The following IAPP variants were observed in gnomAD, a reference collection of about 807,000 sequenced individuals.
The protein encoded by IAPP is Islet amyloid polypeptide (diabetes-associated peptide; amylin).
A neutral mutation model predicts 2.9 loss-of-function variants in IAPP; 4 were observed. The ratio of observed to expected loss-of-function variants is 1.39; its 90% CI spans 0.69 to 3.19. The LOEUF (loss-of-function observed/expected upper bound fraction) is 3.19. IAPP is among the 30% of genes most tolerant of loss of function. The probability of loss-of-function intolerance (pLI) is 0.01; values close to 1 mark genes in which losing one functional copy is unlikely to be tolerated. For synonymous variants in IAPP, 40 were observed against 42.1 expected (o/e 0.95, Z 0.19); for missense variants, 114 against 105.3 (o/e 1.08, Z -0.36).
chr12:21,355,757 C>T (rs940300980), intron 1 of IAPP, among the ~76,000 whole-genome samples: 1 of 151,904 alleles, frequency 6.6e-6, no homozygotes, highest in Non-Finnish European at 1.5e-5. Context: ...TTCTCAGAAA[C>T]AAAATACAGA....
intron 2 of IAPP, among the ~76,000 whole-genome samples, chr12:21,376,572 G>T (rs558162639): frequency 6.6e-6 from 1 of 152,002 alleles, no homozygotes; most frequent in Admixed American, 6.6e-5. Flanking sequence ...TCAAACATTT[G>T]TCAGCATACA....
chr12:21,357,452 C>T (rs893226135), intron 1 of IAPP, among the ~76,000 whole-genome samples: 1 of 152,192 alleles, frequency 6.6e-6, no homozygotes, highest in Non-Finnish European at 1.5e-5. Context: ...TAATCTTAGA[C>T]TTCTTGCCTC....
intron 1 of IAPP, among the ~76,000 whole-genome samples, chr12:21,358,775 C>T (rs1187499664): frequency 6.6e-6 from 1 of 151,948 alleles, no homozygotes; most frequent in East Asian, 1.9e-4. Context: ...TATAAAGATG[C>T]AAACCATTAA....
intron 1 of IAPP, among the ~76,000 whole-genome samples, chr12:21,361,855 A>T (rs1938921266): frequency 2.0e-5 from 3 of 152,176 alleles, no homozygotes; most frequent in Non-Finnish European, 4.4e-5. Context: ...AAAAAGAGTA[A>T]AAAGAAATGA....
At chr12:21,363,383 C>T (rs1939092821) in intron 1 of IAPP, among the ~76,000 whole-genome samples, 2 of 152,158 alleles carry the variant, frequency 1.3e-5, no homozygotes, top group South Asian at 4.1e-4. Context: ...ATCTCTGGGA[C>T]ACATTTAAAG....
At chr12:21,358,773 T>C (rs1222963714) in intron 1 of IAPP, among the ~76,000 whole-genome samples, 8 of 152,060 alleles carry the variant, frequency 5.3e-5, no homozygotes, top group Non-Finnish European at 1.5e-5. Flanking sequence ...AATATAAAGA[T>C]GCAAACCATT....
Position 21,378,587 on chromosome 12 carries a change from A to G in IAPP, c.*161A>G, listed in dbSNP as rs1261152977. On this transcript the variant is annotated 3_prime_UTR_variant, in exon 3 of 3. Transcript: ENST00000240652. Reference sequence around the variant, plus strand: ...AAAGATTGTTTTATATGTAGTACTAACTAAGGTCCCATAATAAAAAGATAG... The same window carrying G: ...AAAGATTGTTTTATATGTAGTACTAGCTAAGGTCCCATAATAAAAAGATAG... 12 of 576,566 alleles carry G rather than the reference A, an allele frequency of 2.1e-5. No individual in the cohort carries two copies. Among genetic ancestry groups the G allele is most frequent in the Non-Finnish European group, 3.7e-5 (12 of 326,386 alleles). The allele number at this position is 576,566 out of a possible 1,614,324, so 35.7% of individuals were successfully genotyped here.
chr12:21,358,570 TATC>T (rs1285664471), intron 1 of IAPP, among the ~76,000 whole-genome samples: 1 of 152,188 alleles, frequency 6.6e-6, no homozygotes, highest in Non-Finnish European at 1.5e-5. Context: ...TGTATAGTTC[TATC>T]ATCATATATA....
chr12:21,360,967 T>A (rs556177603), intron 1 of IAPP, among the ~76,000 whole-genome samples: 1 of 152,294 alleles, frequency 6.6e-6, no homozygotes, highest in Admixed American at 6.5e-5. Flanking sequence ...GGGCAGGGCA[T>A]AGCTGAATAA....
At chr12:21,359,923 G>A (rs550679592) in intron 1 of IAPP, among the ~76,000 whole-genome samples, 5 of 152,140 alleles carry the variant, frequency 3.3e-5, no homozygotes, top group Non-Finnish European at 5.9e-5. Flanking sequence ...TAAACATTTT[G>A]TAATATATTC....
At chr12:21,355,935 A>G (rs1938329124) in intron 1 of IAPP, among the ~76,000 whole-genome samples, 1 of 152,178 alleles carries the variant, frequency 6.6e-6, no homozygotes, top group Non-Finnish European at 1.5e-5. Flanking sequence ...AATCTTTGAT[A>G]TTAAAATAGT....
Position 21,378,445 on chromosome 12 carries a change from A to G in IAPP, c.*19A>G, listed in dbSNP as rs1368616437. 3 of 1,588,386 alleles carry G rather than the reference A, an allele frequency of 1.9e-6. No individual in the cohort carries two copies. Among genetic ancestry groups the G allele is most frequent in the South Asian group, 2.2e-5 (2 of 90,570 alleles). On this transcript the variant is annotated 3_prime_UTR_variant, in exon 3 of 3. Coordinates refer to ENST00000240652, the MANE Select transcript of IAPP (RefSeq NM_000415.3). ...CCTTTAGAGGACAATGTAACTCTAT[A>G]GTTATTGTTTTATGTTCTAGTGATT...
At chr12:21,357,733 A>G (rs1938485560) in intron 1 of IAPP, among the ~76,000 whole-genome samples, 2 of 151,760 alleles carry the variant, frequency 1.3e-5, no homozygotes. Context: ...TTTTGTTTTT[A>G]TCTGGAGGAA....
At chr12:21,360,912 C>G (rs917969773) in intron 1 of IAPP, among the ~76,000 whole-genome samples, 1 of 152,000 alleles carries the variant, frequency 6.6e-6, no homozygotes, top group Non-Finnish European at 1.5e-5. Context: ...TGGAGCCCAC[C>G]GCAGCTCAAG....
chr12:21,357,481 A>C (rs1269970912), intron 1 of IAPP, among the ~76,000 whole-genome samples: 1 of 152,150 alleles, frequency 6.6e-6, no homozygotes, highest in African/African-American at 2.4e-5. Context: ...TGAAACTATA[A>C]ATTTCTGTTG....
rs141988529 is a variant in IAPP at position 21,376,756 on chromosome 12, G to T, written c.81-1481G>T. Among the ~76,000 whole-genome samples the T allele has an allele frequency of 3.2e-3, 487 of 151,996 alleles. 2 individuals carry two copies. The highest frequency in any genetic ancestry group is 7.8e-3 in the African/African-American group (324 of 41,480). ...GATAATGAAATACTCCCCACACAAG[G>T]TAAACACAATGAGATAAATCCATTG... is the stretch of plus-strand genomic sequence containing the variant. On this transcript the variant is annotated intron_variant, in intron 2 of 2. Transcript: ENST00000240652.
intron 1 of IAPP, among the ~76,000 whole-genome samples, chr12:21,360,553 A>C (rs1938760588): frequency 6.6e-6 from 1 of 152,230 alleles, no homozygotes; most frequent in Admixed American, 6.5e-5. Flanking sequence ...GGGGCTTGCC[A>C]GACAAGTGGG....
At chr12:21,358,945 A>C (rs1291743980) in intron 1 of IAPP, among the ~76,000 whole-genome samples, 1 of 152,214 alleles carries the variant, frequency 6.6e-6, no homozygotes, top group Non-Finnish European at 1.5e-5. Context: ...TAACAGGCTG[A>C]AGATATTCAC....
At chr12:21,375,429 T>C (rs1010839371) in intron 2 of IAPP, among the ~76,000 whole-genome samples, 3 of 152,196 alleles carry the variant, frequency 2.0e-5, no homozygotes, top group Non-Finnish European at 2.9e-5. Flanking sequence ...TTTTAAACTC[T>C]TTTTAAAAAA....
Sources: allele counts gnomAD v4.1 joint callset (sites outside exome capture counted in the v4.1 genomes callset), GRCh38; gene constraint gnomAD v4.1.1; transcripts MANE v1.5; gene names NCBI Gene and HGNC (gene_info 2026-07-23, HGNC 2026-07-21).